Variants in STXBP5L observed in about 807,000 individuals in gnomAD.
STXBP5L encodes syntaxin binding protein 5L.
In STXBP5L, 65 loss-of-function variants were observed where a neutral mutation model predicts 144.5. The ratio of observed to expected loss-of-function variants is 0.45; its 90% confidence interval spans 0.37 to 0.55. STXBP5L has a LOEUF of 0.55. STXBP5L is among the 20% of genes least tolerant of loss of function. The pLI is 0.00. For synonymous variants in STXBP5L, 505 were observed against 469.6 expected (o/e 1.08, Z -0.97); for missense variants, 1,298 against 1,405.5 (o/e 0.92, Z 1.22).
intron 20 of STXBP5L, among the ~76,000 whole-genome samples, chr3:121,323,979 CT>C (rs2044061786): frequency 6.6e-6 from 1 of 152,046 alleles, no homozygotes. Context: ...GAATGTATGC[CT>C]TTTTTCTAAT....
chr3:121,216,051 A>G (rs2048765511), intron 10 of STXBP5L, among the ~76,000 whole-genome samples: 1 of 152,052 alleles, frequency 6.6e-6, no homozygotes. Context: ...AAGGTCATTT[A>G]TCTTCTTCTC....
chr3:121,273,887 T>C (rs1049381414), intron 18 of STXBP5L, among the ~76,000 whole-genome samples: 1 of 152,118 alleles, frequency 6.6e-6, no homozygotes, highest in Admixed American at 6.5e-5. Flanking sequence ...TACTTGGTTC[T>C]TTTTTGTGAT....
chr3:121,317,644 A>T (rs1027823383), intron 19 of STXBP5L, among the ~76,000 whole-genome samples: 1 of 152,160 alleles, frequency 6.6e-6, no homozygotes, highest in Non-Finnish European at 1.5e-5. Context: ...AGACTTTCTA[A>T]CAAAGATAGA....
intron 19 of STXBP5L, among the ~76,000 whole-genome samples, chr3:121,305,328 A>G (rs1159034865): frequency 6.6e-6 from 1 of 152,172 alleles, no homozygotes; most frequent in Non-Finnish European, 1.5e-5. Flanking sequence ...AACCAGCACA[A>G]TGTTGATAAC....
intron 20 of STXBP5L, among the ~76,000 whole-genome samples, chr3:121,347,065 T>G (rs919206961): frequency 6.6e-6 from 1 of 152,074 alleles, no homozygotes. Flanking sequence ...AGGTTTTCTT[T>G]TAGGGTTTTT....
At chr3:121,326,172 T>G (rs1459051257) in intron 20 of STXBP5L, among the ~76,000 whole-genome samples, 1 of 151,978 alleles carries the variant, frequency 6.6e-6, no homozygotes, top group African/African-American at 2.4e-5. Context: ...TATTTTAAGA[T>G]GAAGGTAGTG....
At chr3:120,968,747 A>T (rs1250665575) in intron 3 of STXBP5L, among the ~76,000 whole-genome samples, 1 of 151,816 alleles carries the variant, frequency 6.6e-6, no homozygotes, top group Non-Finnish European at 1.5e-5. Flanking sequence ...CCATTATATC[A>T]CTCTTATGCC....
intron 10 of STXBP5L, among the ~76,000 whole-genome samples, chr3:121,211,507 G>C (rs1366655645): frequency 6.6e-6 from 1 of 150,512 alleles, no homozygotes; most frequent in African/African-American, 2.4e-5. Context: ...TCTTGTGCCA[G>C]TTTTCAAAGA....
intron 9 of STXBP5L, among the ~76,000 whole-genome samples, chr3:121,184,182 C>A (rs2047275042): frequency 6.6e-6 from 1 of 151,904 alleles, no homozygotes; most frequent in African/African-American, 2.4e-5. Flanking sequence ...AACTCCCTAC[C>A]AGCAAGGGAA....
intron 7 of STXBP5L, among the ~76,000 whole-genome samples, chr3:121,144,486 G>A (rs372189831): frequency 2.7e-4 from 41 of 151,980 alleles, no homozygotes; most frequent in African/African-American, 8.9e-4. Flanking sequence ...CTTTTGACAA[G>A]GATGTGAAGA....
chr3:120,964,251 G>A (rs1576504837), intron 3 of STXBP5L, among the ~76,000 whole-genome samples: 1 of 152,014 alleles, frequency 6.6e-6, no homozygotes. Context: ...TGTTTTGAAG[G>A]GTTTTTTGTG....
intron 19 of STXBP5L, among the ~76,000 whole-genome samples, chr3:121,313,337 C>T (rs1294261206): frequency 4.8e-4 from 63 of 129,982 alleles, no homozygotes; most frequent in African/African-American, 1.5e-3. Flanking sequence ...GCTGGCCGGG[C>T]GGGGGGCTGA....
At chr3:121,351,875 G>C (rs908383062) in intron 20 of STXBP5L, among the ~76,000 whole-genome samples, 1 of 152,094 alleles carries the variant, frequency 6.6e-6, no homozygotes, top group African/African-American at 2.4e-5. Flanking sequence ...GTGTAAGTAA[G>C]GGATCCAGTT....
At chr3:121,179,784 C>A (rs778796671) in intron 9 of STXBP5L, among the ~76,000 whole-genome samples, 41 of 152,010 alleles carry the variant, frequency 2.7e-4, no homozygotes, top group Middle Eastern at 3.4e-3. Flanking sequence ...TAGGGAAATA[C>A]AAAATACAGT....
chr3:121,379,614 T>A (rs990289067), intron 21 of STXBP5L, among the ~76,000 whole-genome samples: 4 of 152,120 alleles, frequency 2.6e-5, no homozygotes, highest in African/African-American at 4.8e-5. Flanking sequence ...TCTTCAAATT[T>A]AAAAAAATTA....
At chr3:121,110,148 T>C (rs889318550) in intron 5 of STXBP5L, among the ~76,000 whole-genome samples, 1 of 152,208 alleles carries the variant, frequency 6.6e-6, no homozygotes, top group African/African-American at 2.4e-5. Flanking sequence ...CAATGGGTCT[T>C]GACTCTTTAC....
intron 3 of STXBP5L, among the ~76,000 whole-genome samples, chr3:121,023,404 C>T (rs964630887): frequency 5.9e-5 from 9 of 152,038 alleles, no homozygotes; most frequent in African/African-American, 2.2e-4. Flanking sequence ...TCATAAAATT[C>T]ATATGGAACC....
intron 22 of STXBP5L, among the ~76,000 whole-genome samples, chr3:121,406,491 A>G (rs1006724315): frequency 6.6e-6 from 1 of 152,090 alleles, no homozygotes; most frequent in Non-Finnish European, 1.5e-5. Flanking sequence ...AAAGATCAAT[A>G]GAGCCCAAAC....
intron 5 of STXBP5L, among the ~76,000 whole-genome samples, chr3:121,087,716 G>A (rs2042565442): frequency 6.6e-6 from 1 of 151,230 alleles, no homozygotes; most frequent in Admixed American, 6.6e-5. Context: ...TTTGTTTTTT[G>A]GTTGTTCTAT....
Sources: gnomAD v4.1 joint callset for allele counts (sites outside exome capture counted in the v4.1 genomes callset) on GRCh38, gnomAD v4.1.1 for gene constraint, MANE v1.5 for transcripts, NCBI Gene and HGNC (gene_info 2026-07-23, HGNC 2026-07-21) for gene names.